The following EXOSC7 variants were observed in gnomAD, a reference collection of about 807,000 sequenced individuals.
EXOSC7 encodes the protein exosome component 7.
EXOSC7 carries 25 observed loss-of-function variants against 34.3 expected under a neutral mutation model. The observed-to-expected ratio is 0.73, with a 90% CI of 0.53 to 1.02. The LOEUF (loss-of-function observed/expected upper bound fraction) is 1.02. Ranked by LOEUF, EXOSC7 falls within the 50% of genes least tolerant of loss-of-function variation. EXOSC7 has a pLI of 0.00. For missense variants in EXOSC7, 370 were observed against 368.5 expected (o/e 1.00, Z -0.03); for synonymous variants, 130 against 143.0 (o/e 0.91, Z 0.65).
intron 1 of EXOSC7, among the ~76,000 whole-genome samples, chr3:44,980,953 T>C (rs1295576204): frequency 1.3e-5 from 2 of 152,242 alleles, no homozygotes; most frequent in Non-Finnish European, 2.9e-5. Flanking sequence ...CTAGGATTTA[T>C]CCTCTTTTCT....
At chr3:44,983,173 G>T (rs1706317319) in intron 1 of EXOSC7, among the ~76,000 whole-genome samples, 1 of 152,182 alleles carries the variant, frequency 6.6e-6, no homozygotes, top group African/African-American at 2.4e-5. Context: ...GGGTGTGAGG[G>T]AAAGTAGGTC....
At chr3:45,007,744 G>T (rs1163747408) in intron 7 of EXOSC7, among the ~76,000 whole-genome samples, 169 bp downstream of exon 7, 1 of 152,178 alleles carries the variant, frequency 6.6e-6, no homozygotes, top group Non-Finnish European at 1.5e-5. Flanking sequence ...AATCAAGGGG[G>T]GTTGTGGGGG....
intron 3 of EXOSC7, among the ~76,000 whole-genome samples, chr3:44,990,740 A>G (rs1176419663): frequency 6.6e-6 from 1 of 152,202 alleles, no homozygotes; most frequent in East Asian, 1.9e-4. Context: ...CTTAATACAT[A>G]ATGAAGTTTT....
intron 5 of EXOSC7, among the ~76,000 whole-genome samples, chr3:45,003,772 A>G (rs1237018417): frequency 1.3e-5 from 2 of 152,220 alleles, no homozygotes; most frequent in Non-Finnish European, 2.9e-5. Flanking sequence ...AATTACACTC[A>G]CTGATGATAA....
At chr3:44,997,329 T>C in intron 4 of EXOSC7, 77 bp downstream of exon 4, 2 of 1,370,186 alleles carry the variant, frequency 1.5e-6, no homozygotes, top group Admixed American at 1.9e-5. Context: ...CTTCCAGTGC[T>C]TTTTTCCTCT....
At position 45,006,415 on chromosome 3, in the gene EXOSC7, T is replaced by G. The variant is rs1301335931; in HGVS notation, c.615+1001T>G. Among the ~76,000 whole-genome samples, 113 of 131,340 alleles carry G rather than the reference T, an allele frequency of 8.6e-4. 2 individuals are homozygous for G. Among genetic ancestry groups the G allele is most frequent in the South Asian group, 2.8e-3 (10 of 3,574 alleles). The allele number at this position is 131,340 out of a possible 152,430, so 86.2% of individuals were successfully genotyped here. A position where few individuals can be genotyped will look rare whatever the true frequency, so the allele number is the denominator to read the frequency against. On this transcript the variant is annotated intron_variant, in intron 6 of 7. Coordinates refer to ENST00000265564, the MANE Select transcript of EXOSC7 (RefSeq NM_015004.4). ...CTTGTTGTTTATTTGTTTTTTTTTT[T>G]TTTTTTTTTTTTGAGACAGAGTCTC... is the stretch of plus-strand genomic sequence containing the variant.
At chr3:44,997,276 G>T (rs1304554130) in intron 4 of EXOSC7, 24 bp downstream of exon 4, 1 of 1,590,542 alleles carries the variant, frequency 6.3e-7, no homozygotes, top group African/African-American at 1.3e-5. Flanking sequence ...TGCTGTACTG[G>T]CCACATTCTA....
At chr3:44,993,516 T>G (rs1559746023) in intron 3 of EXOSC7, among the ~76,000 whole-genome samples, 1 of 151,972 alleles carries the variant, frequency 6.6e-6, no homozygotes, top group Non-Finnish European at 1.5e-5. Flanking sequence ...GGCCTTGATC[T>G]CAGCCTACCC....
At chr3:44,976,775 T>C (rs568182632) in intron 1 of EXOSC7, among the ~76,000 whole-genome samples, 1 of 152,220 alleles carries the variant, frequency 6.6e-6, no homozygotes, top group East Asian at 1.9e-4. Context: ...AAAATACAAA[T>C]TGCCGTACAA....
chr3:44,996,768 G>A (rs1376915318), intron 3 of EXOSC7, among the ~76,000 whole-genome samples: 1 of 152,204 alleles, frequency 6.6e-6, no homozygotes, highest in Non-Finnish European at 1.5e-5. Flanking sequence ...CTGAAGATAA[G>A]AGAGTTAATT....
intron 7 of EXOSC7, among the ~76,000 whole-genome samples, chr3:45,008,109 A>G (rs73833103): frequency 0.011 from 1,618 of 152,306 alleles, 39 homozygotes; most frequent in African/African-American, 0.037. Flanking sequence ...TAGCAGAGCC[A>G]TCAAGGCGCT....
At chr3:44,998,916 G>A (rs1207994283) in intron 4 of EXOSC7, among the ~76,000 whole-genome samples, 4 of 152,188 alleles carry the variant, frequency 2.6e-5, no homozygotes, top group Admixed American at 6.5e-5. Flanking sequence ...CCAGGGAGGT[G>A]CAGCCCCATG....
At chr3:44,992,065 T>C (rs919001694) in intron 3 of EXOSC7, among the ~76,000 whole-genome samples, 1 of 152,176 alleles carries the variant, frequency 6.6e-6, no homozygotes, top group Non-Finnish European at 1.5e-5. Context: ...ATTATTTTAA[T>C]TGCATAAACA....
chr3:44,989,067 G>A, intron 1 of EXOSC7, 73 bp from the exon 2 acceptor site: 2 of 995,622 alleles, frequency 2.0e-6, no homozygotes, highest in Non-Finnish European at 3.2e-6. Context: ...TCTCTAGGGG[G>A]AAAATGGGTG....
chr3:44,996,168 A>G (rs1393500774), intron 3 of EXOSC7, among the ~76,000 whole-genome samples: 2 of 152,158 alleles, frequency 1.3e-5, no homozygotes, highest in East Asian at 3.9e-4. Context: ...GAAGGCTTTA[A>G]TATGTGATTT....
In EXOSC7 at chr3:44,997,174, C is replaced by A. The variant is rs763088495; in HGVS notation, c.342C>A (p.Asn114Lys). The change falls in exon 4 of 8, where the codon AAC becomes AAA. Residue 114 changes from asparagine to lysine, a missense_variant. Around this residue, in one of 3 missense-constraint regions of EXOSC7, gnomAD observed 255 missense variants for 246.4 expected, o/e 1.03. Transcript: ENST00000265564. ...CTAACACCCTCTATCGGATATTTAA[C>A]AATAAAAGCAGTGTCGACTTAAAGA... is the stretch of plus-strand genomic sequence containing the variant. ...EIANTLYRIF[N>K]NKSSVDLKTL... 2 of 1,614,012 alleles carry A rather than the reference C, an allele frequency of 1.2e-6. No homozygotes were observed. Among genetic ancestry groups the A allele is most frequent in the South Asian group, 2.2e-5 (2 of 91,064 alleles).
At chr3:44,976,397 T>C in intron 1 of EXOSC7, 63 bp downstream of exon 1, 1 of 1,448,104 alleles carries the variant, frequency 6.9e-7, no homozygotes, top group Non-Finnish European at 9.2e-7. Context: ...GGTCGCGGCC[T>C]GCCCTGGGTT....
At chr3:44,978,073 GACAA>G (rs1442746257) in intron 1 of EXOSC7, among the ~76,000 whole-genome samples, 7 of 152,232 alleles carry the variant, frequency 4.6e-5, no homozygotes, top group Non-Finnish European at 1.0e-4. Context: ...ATAGGAGGGA[GACAA>G]ACAGAGAGTA....
At chr3:44,994,854 T>TGG (rs1444063401) in intron 3 of EXOSC7, among the ~76,000 whole-genome samples, 43 of 103,956 alleles carry the variant, frequency 4.1e-4, no homozygotes, top group African/African-American at 1.4e-3. Flanking sequence ...GGTGGAAGAA[T>TGG]GGGTGTGTGT....
Sources: allele counts gnomAD v4.1 joint callset (sites outside exome capture counted in the v4.1 genomes callset), GRCh38; gene constraint gnomAD v4.1.1; regional missense constraint gnomAD v4.1.1; transcripts MANE v1.5; gene names NCBI Gene and HGNC (gene_info 2026-07-23, HGNC 2026-07-21).